TNS3: variants seen among roughly 807,000 people sequenced by gnomAD.
The protein encoded by TNS3 is tensin 3, also known as tensin-3.
A neutral mutation model predicts 140.9 loss-of-function variants in TNS3; 45 were observed. The ratio of observed to expected loss-of-function variants is 0.32; its 90% confidence interval spans 0.25 to 0.41. The LOEUF is 0.41. Among genes scored for constraint, TNS3 ranks in the 10% least tolerant of loss-of-function variants. TNS3 has a pLI of 1.00. For missense variants in TNS3, 1,716 were observed against 1,906.7 expected (o/e 0.90, Z 1.86); for synonymous variants, 815 against 788.4 (o/e 1.03, Z -0.56).
At chr7:47,573,033 G>A (rs930243974) in intron 1 of TNS3, among the ~76,000 whole-genome samples, 1 of 152,188 alleles carries the variant, frequency 6.6e-6, no homozygotes, top group Non-Finnish European at 1.5e-5. Context: ...GAAATCAAGG[G>A]TCACGTGTGG....
At chr7:47,505,333 A>C (rs992443336) in intron 3 of TNS3, among the ~76,000 whole-genome samples, 29 of 152,222 alleles carry the variant, frequency 1.9e-4, no homozygotes, top group African/African-American at 7.0e-4. Flanking sequence ...CACCCCAGGA[A>C]AGGAGCCTAT....
At position 47,293,954 on chromosome 7, in the gene TNS3, A is replaced by G. The variant is rs73695304; in HGVS notation, c.3677-126T>C. The G allele has an allele frequency of 2.6e-3, 2,118 of 830,450 alleles. 35 individuals are homozygous for G. In the African/African-American group the frequency reaches 0.032, roughly 12 times the overall value. The allele number at this position is 830,450 out of a possible 1,614,324, so 51.4% of individuals were successfully genotyped here. The stretch of plus-strand genomic sequence containing the variant: ...CTCTTCTCTGAATACGAGTCCAGTC[A>G]CTGCAAAAGAGGCTGCCAAGAACCA... On this transcript the variant is annotated intron_variant, in intron 24 of 30. Transcript: ENST00000311160.
chr7:47,452,966 G>C, intron 4 of TNS3: 3 of 985,514 alleles, frequency 3.0e-6, no homozygotes, highest in Non-Finnish European at 3.6e-6. Context: ...ACCGGCCAGG[G>C]CTGCTTTTCC....
chr7:47,359,929 C>G (rs1468819466), intron 17 of TNS3, among the ~76,000 whole-genome samples: 1 of 152,100 alleles, frequency 6.6e-6, no homozygotes, highest in Non-Finnish European at 1.5e-5. Flanking sequence ...CCCAGAAGGC[C>G]CAGATAGCAC....
chr7:47,296,979 T>C, intron 24 of TNS3, 103 bp downstream of exon 24: 1 of 1,385,984 alleles, frequency 7.2e-7, no homozygotes, highest in South Asian at 1.4e-5. Context: ...ATAAAATTTG[T>C]GAGTATTGTT....
At chr7:47,548,743 GA>G in intron 1 of TNS3, among the ~76,000 whole-genome samples, 1 of 152,052 alleles carries the variant, frequency 6.6e-6, no homozygotes, top group South Asian at 2.1e-4. Context: ...TCTGCCGGCT[GA>G]TGGTCCTGAC....
chr7:47,316,555 T>G (rs545920993), intron 20 of TNS3, among the ~76,000 whole-genome samples: 10 of 143,252 alleles, frequency 7.0e-5, no homozygotes, highest in African/African-American at 2.6e-4. Flanking sequence ...TTTGTTTTTG[T>G]TTTTTTTTTT....
chr7:47,283,963 T>C lies in TNS3; in HGVS notation c.3929-98A>G, dbSNP rs1364800824. ...GTTGCTGATGTGCAGACTGGGTTTATGAACAACTTGCGCATGTGGCCTATG... is the reference window on the plus strand; with the variant it reads ...GTTGCTGATGTGCAGACTGGGTTTACGAACAACTTGCGCATGTGGCCTATG... On this transcript the variant is annotated intron_variant, in intron 27 of 30. Transcript: ENST00000311160. The C allele has an allele frequency of 8.2e-6, 10 of 1,214,736 alleles. No individual in the cohort carries two copies. In the East Asian group the frequency reaches 2.6e-4, roughly 32 times the overall value. The allele number at this position is 1,214,736 out of a possible 1,614,324, so 75.2% of individuals were successfully genotyped here.
chr7:47,511,227 G>A (rs935955123), intron 2 of TNS3, among the ~76,000 whole-genome samples: 17 of 152,202 alleles, frequency 1.1e-4, no homozygotes, highest in South Asian at 4.2e-4. Flanking sequence ...TACAATGGCC[G>A]GAAAAGCCTA....
At chr7:47,361,108 C>A (rs1213785833) in intron 17 of TNS3, among the ~76,000 whole-genome samples, 1 of 150,534 alleles carries the variant, frequency 6.6e-6, no homozygotes, top group African/African-American at 2.4e-5. Context: ...CCCATCCTGC[C>A]TAAATGCTAT....
chr7:47,445,252 T>C (rs1488072537), intron 4 of TNS3, among the ~76,000 whole-genome samples: 2 of 152,138 alleles, frequency 1.3e-5, no homozygotes, highest in East Asian at 1.9e-4. Flanking sequence ...CTCCAAGGCA[T>C]GTGGTGCTCA....
At chr7:47,491,207 G>C (rs1012277896) in intron 3 of TNS3, among the ~76,000 whole-genome samples, 1 of 152,136 alleles carries the variant, frequency 6.6e-6, no homozygotes, top group Non-Finnish European at 1.5e-5. Context: ...GAACATGCAC[G>C]GTATGTGGTG....
Position 47,293,817 on chromosome 7 carries a change from C to T in TNS3, c.3688G>A (p.Ala1230Thr). 1 of 1,614,144 alleles carries T rather than the reference C, an allele frequency of 6.2e-7. No individual in the cohort carries two copies. Among genetic ancestry groups the T allele is most frequent in the Non-Finnish European group, 8.5e-7 (1 of 1,180,014 alleles). The change falls in exon 25 of 31, where the codon GCC becomes ACC. Residue 1230 changes from alanine to threonine, a missense_variant. Coordinates refer to ENST00000311160, the MANE Select transcript of TNS3 (RefSeq NM_022748.12). The part of the protein sequence containing the change: ...LQLNKKAGDL[A>T]NELVRHFLIE... ...AAAAAGTGCCGGACGAGTTCATTGGCCAAATCTCCAGCTGTGGCAAGAAAT... is the reference window on the plus strand; with the variant it reads ...AAAAAGTGCCGGACGAGTTCATTGGTCAAATCTCCAGCTGTGGCAAGAAAT...
chr7:47,564,653 A>AAAAAAAAAAAAG (rs1800391129), intron 1 of TNS3, among the ~76,000 whole-genome samples: 1 of 136,222 alleles, frequency 7.3e-6, no homozygotes, highest in African/African-American at 2.7e-5. Flanking sequence ...AAAAAAACAA[A>AAAAAAAAAAAAG]AAAAAACAAA....
At chr7:47,478,410 A>G (rs62448376) in intron 4 of TNS3, among the ~76,000 whole-genome samples, 1 of 43,560 alleles carries the variant, frequency 2.3e-5, no homozygotes, top group Non-Finnish European at 7.3e-5. Context: ...TCTCAGGGAA[A>G]TACACACACA....
intron 28 of TNS3, among the ~76,000 whole-genome samples, chr7:47,282,847 C>A (rs1306759016): frequency 6.6e-6 from 1 of 152,100 alleles, no homozygotes; most frequent in African/African-American, 2.4e-5. Context: ...GAAGATCCTG[C>A]CTTCAACCTC....
At chr7:47,322,213 C>CAAAAAAAAAAAAAAA (rs759875153) in intron 20 of TNS3, among the ~76,000 whole-genome samples, 1 of 49,922 alleles carries the variant, frequency 2.0e-5, no homozygotes, top group African/African-American at 7.8e-5. Flanking sequence ...GTAGAACGGG[C>CAAAAAAAAAAAAAAA]AAAAAAAAAA....
chr7:47,337,281 C>T (rs1393848446), intron 20 of TNS3, among the ~76,000 whole-genome samples: 1 of 152,234 alleles, frequency 6.6e-6, no homozygotes, highest in Non-Finnish European at 1.5e-5. Flanking sequence ...TCTGTCCTTA[C>T]AGCCTTTAAC....
At chr7:47,290,518 C>T (rs1011542282) in intron 27 of TNS3, among the ~76,000 whole-genome samples, 17 of 152,016 alleles carry the variant, frequency 1.1e-4, no homozygotes, top group African/African-American at 3.9e-4. Context: ...AAACAAAACC[C>T]AATTAAACAA....
Sources: allele counts gnomAD v4.1 joint callset (sites outside exome capture counted in the v4.1 genomes callset), GRCh38; gene constraint gnomAD v4.1.1; transcripts MANE v1.5; gene names NCBI Gene and HGNC (gene_info 2026-07-23, HGNC 2026-07-21).